The following RIMS1 variants were observed in gnomAD, a reference collection of about 807,000 sequenced individuals.
The protein encoded by RIMS1 is regulating synaptic membrane exocytosis 1, also known as regulating synaptic membrane exocytosis protein 1.
RIMS1 carries 83 observed loss-of-function variants against 214.1 expected under a neutral mutation model. The observed-to-expected ratio is 0.39, with a 90% CI of 0.32 to 0.47. The LOEUF (loss-of-function observed/expected upper bound fraction) is 0.47, where lower values mean the gene tolerates loss of function less well. Ranked by LOEUF, RIMS1 falls within the 20% of genes least tolerant of loss-of-function variation. The pLI is 0.99. For synonymous variants in RIMS1, 793 were observed against 786.8 expected, an observed-to-expected ratio of 1.01 and a Z score of -0.13; for missense variants, 2,050 against 2,161.8, an observed-to-expected ratio of 0.95 and a Z score of 1.03.
chr6:72,156,450 G>A (rs2044454990), intron 4 of RIMS1, among the ~76,000 whole-genome samples: 1 of 140,354 alleles, frequency 7.1e-6, no homozygotes, highest in Admixed American at 7.3e-5. Context: ...CCAGAAGAAT[G>A]ATTACTAGGC....
At chr6:72,369,528 G>A (rs73538243) in intron 29 of RIMS1, among the ~76,000 whole-genome samples, 5,382 of 152,230 alleles carry the variant, frequency 0.035, 348 homozygotes, top group African/African-American at 0.12. Context: ...CTCAGGCACC[G>A]GCTAAAGCTG....
chr6:72,116,800 A>G (rs1010134469), intron 4 of RIMS1, among the ~76,000 whole-genome samples: 1 of 152,052 alleles, frequency 6.6e-6, no homozygotes, highest in East Asian at 1.9e-4. Flanking sequence ...CCATTAAAAT[A>G]TAATAGCTAT....
chr6:71,922,036 C>A (rs1159592252), intron 1 of RIMS1, among the ~76,000 whole-genome samples: 1 of 152,182 alleles, frequency 6.6e-6, no homozygotes, highest in Non-Finnish European at 1.5e-5. Context: ...CATATGTATA[C>A]TCACCCAGCT....
At chr6:71,930,506 A>G (rs1293180930) in intron 1 of RIMS1, among the ~76,000 whole-genome samples, 1 of 151,978 alleles carries the variant, frequency 6.6e-6, no homozygotes, top group African/African-American at 2.4e-5. Context: ...TAGTCAGTCT[A>G]TTACCTTGTT....
intron 28 of RIMS1, among the ~76,000 whole-genome samples, chr6:72,324,027 C>CATAG (rs70994121): frequency 0.19 from 27,754 of 145,842 alleles, 2,682 homozygotes; most frequent in East Asian, 0.25. Context: ...TGCATGCATG[C>CATAG]ATAGATAGAT....
intron 1 of RIMS1, among the ~76,000 whole-genome samples, chr6:71,894,382 G>T (rs1770971779): frequency 6.6e-6 from 1 of 152,074 alleles, no homozygotes; most frequent in African/African-American, 2.4e-5. Context: ...GGAGGCAGAG[G>T]CTGCAATGAG....
chr6:72,260,455 A>G (rs1230703230), intron 18 of RIMS1, among the ~76,000 whole-genome samples: 3 of 152,158 alleles, frequency 2.0e-5, no homozygotes, highest in African/African-American at 7.2e-5. Flanking sequence ...TTTTGTTTTA[A>G]TATTCTATAA....
At chr6:72,299,579 TTTCC>T (rs1357892146) in intron 26 of RIMS1, among the ~76,000 whole-genome samples, 1 of 151,872 alleles carries the variant, frequency 6.6e-6, no homozygotes, top group Non-Finnish European at 1.5e-5. Flanking sequence ...TTAACTGTGT[TTTCC>T]TTCTTTAAAT....
intron 4 of RIMS1, among the ~76,000 whole-genome samples, chr6:72,121,424 G>A (rs773429823): frequency 3.3e-5 from 5 of 151,770 alleles, no homozygotes; most frequent in Non-Finnish European, 7.4e-5. Flanking sequence ...ATTGTGAATG[G>A]GAGTTCACTC....
At chr6:72,113,663 CTTTTA>C (rs1303379641) in intron 4 of RIMS1, among the ~76,000 whole-genome samples, 1 of 81,152 alleles carries the variant, frequency 1.2e-5, no homozygotes, top group Non-Finnish European at 3.4e-5. Flanking sequence ...TACTTTAGTA[CTTTTA>C]TTTTCTTTCT....
intron 6 of RIMS1, among the ~76,000 whole-genome samples, chr6:72,233,265 A>G (rs936629612): frequency 2.0e-5 from 3 of 151,886 alleles, no homozygotes; most frequent in African/African-American, 7.2e-5. Flanking sequence ...TATTTTTCAT[A>G]TTTATTTACT....
intron 2 of RIMS1, among the ~76,000 whole-genome samples, chr6:72,012,114 A>T (rs1810880381): frequency 6.6e-6 from 1 of 152,240 alleles, no homozygotes; most frequent in African/African-American, 2.4e-5. Flanking sequence ...CATAAAGAAA[A>T]TGTGGCACAT....
At chr6:72,342,870 G>A (rs2097142858) in intron 29 of RIMS1, among the ~76,000 whole-genome samples, 1 of 151,754 alleles carries the variant, frequency 6.6e-6, no homozygotes, top group Non-Finnish European at 1.5e-5. Flanking sequence ...AGAGGAAATG[G>A]CTGAAATACA....
intron 26 of RIMS1, among the ~76,000 whole-genome samples, chr6:72,294,758 G>A (rs1013445926): frequency 1.3e-5 from 2 of 151,724 alleles, no homozygotes; most frequent in South Asian, 4.1e-4. Context: ...TTTTTGAAAA[G>A]GTGTTTTAAA....
At chr6:71,987,764 G>A (rs1002596372) in intron 2 of RIMS1, among the ~76,000 whole-genome samples, 5 of 152,194 alleles carry the variant, frequency 3.3e-5, no homozygotes, top group Admixed American at 6.5e-5. Flanking sequence ...AGGGTTTGAA[G>A]TTGATTGGCT....
intron 11 of RIMS1, 133 bp downstream of exon 11, chr6:72,245,994 T>C: frequency 1.7e-6 from 1 of 588,284 alleles, no homozygotes; most frequent in Non-Finnish European, 3.0e-6. Flanking sequence ...GTACTAGATG[T>C]TGGCAATGAT....
intron 11 of RIMS1, 31 bp from the exon 12 acceptor site, chr6:72,247,984 A>G (rs1212048540): frequency 7.2e-7 from 1 of 1,394,528 alleles, no homozygotes; most frequent in Non-Finnish European, 1.0e-6. Context: ...CTACACTTAC[A>G]AATATTACTT....
intron 29 of RIMS1, among the ~76,000 whole-genome samples, chr6:72,339,679 T>C (rs1178475871): frequency 6.6e-6 from 1 of 152,100 alleles, no homozygotes; most frequent in African/African-American, 2.4e-5. Context: ...TCATCCAGTC[T>C]ATCATTGTTG....
intron 6 of RIMS1, among the ~76,000 whole-genome samples, chr6:72,226,387 C>A (rs548261785): frequency 2.6e-5 from 4 of 152,088 alleles, no homozygotes; most frequent in East Asian, 3.9e-4. Context: ...TCTCCAATTT[C>A]TTTTAATTTC....
Sources: gnomAD v4.1 joint callset for allele counts (sites outside exome capture counted in the v4.1 genomes callset) on GRCh38, gnomAD v4.1.1 for gene constraint, MANE v1.5 for transcripts, NCBI Gene and HGNC (gene_info 2026-07-23, HGNC 2026-07-21) for gene names.